The following ZKSCAN3 variants were observed in gnomAD, a reference collection of about 807,000 sequenced individuals.
ZKSCAN3 encodes the protein zinc finger protein with KRAB and SCAN domains 3.
A neutral mutation model predicts 30.7 loss-of-function variants in ZKSCAN3; 21 were observed. The ratio of observed to expected loss-of-function variants is 0.68; its 90% CI spans 0.49 to 0.99. The LOEUF (loss-of-function observed/expected upper bound fraction) is 0.99. Ranked by LOEUF, ZKSCAN3 falls within the 50% of genes least tolerant of loss-of-function variation. The pLI is 0.00. For missense variants in ZKSCAN3, 507 were observed against 647.1 expected, an observed-to-expected ratio of 0.78 and a Z score of 2.35; for synonymous variants, 201 against 246.7, an observed-to-expected ratio of 0.81 and a Z score of 1.73.
chr6:28,365,650 G>T lies in ZKSCAN3; in HGVS notation c.982G>T (p.Gly328Cys). ...TGGAAAGAGTTTTGCTCAAAGCTCA[G>T]GCCTGAGTAAACACAGGAGAATCCA... The part of the protein sequence containing the change: ...ECGKSFAQSS[G>C]LSKHRRIHTG... The change falls in exon 6 of 6, where the codon GGC becomes TGC. Residue 328 changes from glycine (G) to cysteine (C), a missense_variant. By Grantham distance (159) the Gly-to-Cys change is radical (BLOSUM62 -3). Coordinates refer to ENST00000252211, the MANE Select transcript of ZKSCAN3 (RefSeq NM_024493.4). The T allele has an allele frequency of 6.2e-7, 1 of 1,614,256 alleles. No individual in the cohort carries two copies. Among genetic ancestry groups the T allele is most frequent in the Non-Finnish European group, 8.5e-7 (1 of 1,180,038 alleles).
At chr6:28,362,903 A>C (rs1765819502) in intron 3 of ZKSCAN3, among the ~76,000 whole-genome samples, 3 of 152,204 alleles carry the variant, frequency 2.0e-5, no homozygotes, top group African/African-American at 4.8e-5. Flanking sequence ...AGCAAAATTC[A>C]AAGGATCTTC....
chr6:28,350,445 G>C (rs906320500), intron 1 of ZKSCAN3: 38 of 152,220 alleles, frequency 2.5e-4, no homozygotes, highest in African/African-American at 8.9e-4. Flanking sequence ...CAGAACGTTG[G>C]AGTCAGATTA....
rs757493017 is a variant in ZKSCAN3, at chr6:28,359,860, G to T, written c.274G>T (p.Glu92Ter). The T allele has an allele frequency of 8.9e-5, 144 of 1,613,352 alleles. No homozygotes were observed. The highest frequency in any genetic ancestry group is 1.2e-4 in the Non-Finnish European group (141 of 1,179,420). ...KEQILELLVL[E>*]QFLTILPGNL... ...GCAGATCCTGGAGCTGCTGGTGCTG[G>T]AGCAGTTCCTGACCATCCTGCCGGG... The change falls in exon 2 of 6, where the codon GAG becomes TAG. Residue 92 changes from glutamate (E) to a stop codon, truncating the protein, a stop_gained. Transcript: ENST00000252211. LOFTEE classifies it high-confidence loss of function.
chr6:28,359,475 A>T, intron 1 of ZKSCAN3, 50 bp from the exon 2 acceptor site: 1 of 1,361,146 alleles, frequency 7.3e-7, no homozygotes, highest in Non-Finnish European at 1.0e-6. Context: ...GGCAGGAGAG[A>T]AGGGACTACT....
intron 5 of ZKSCAN3, 41 bp from the exon 6 acceptor site, chr6:28,365,385 C>T: frequency 6.4e-7 from 1 of 1,569,428 alleles, no homozygotes; most frequent in Non-Finnish European, 8.6e-7. Flanking sequence ...AGCTTTCCTT[C>T]CATGGCATAA....
chr6:28,363,366 G>T lies in ZKSCAN3; in HGVS notation c.614G>T (p.Arg205Met). The part of the protein sequence containing the change: ...CCREDKVVAS[R>M]LTPESQGLLK... ...AGAGAAGATAAAGTGGTAGCTTCTAGGCTTACTCCAGAGTCCCAGGTGAGC... is the reference window on the plus strand; with the variant it reads ...AGAGAAGATAAAGTGGTAGCTTCTATGCTTACTCCAGAGTCCCAGGTGAGC... Residue 205 changes from arginine to methionine, a missense_variant, in exon 4 of 6, where the codon AGG becomes ATG. Physicochemically the swap from Arg to Met is moderately conservative, Grantham distance 91. Coordinates refer to ENST00000252211, the MANE Select transcript of ZKSCAN3 (RefSeq NM_024493.4). 6.2e-7 allele frequency: 1 copy of T among 1,613,914 alleles called. No homozygotes were observed. The highest frequency in any genetic ancestry group is 8.5e-7 in the Non-Finnish European group (1 of 1,179,926).
chr6:28,353,848 T>TA (rs1765231510), intron 1 of ZKSCAN3: 1 of 457,024 alleles, frequency 2.2e-6, no homozygotes, highest in Non-Finnish European at 4.4e-6. Flanking sequence ...AGCCAACATG[T>TA]ATATGGTACT....
chr6:28,366,165 A>C lies in ZKSCAN3; in HGVS notation c.1497A>C (p.Gln499His), dbSNP rs760791268. The change falls in exon 6 of 6, where the codon CAA becomes CAC. Residue 499 changes from glutamine (Q) to histidine (H), a missense_variant. By Grantham distance (24) the Gln-to-His change is conservative (BLOSUM62 0). Coordinates refer to ENST00000252211, the MANE Select transcript of ZKSCAN3 (RefSeq NM_024493.4). The part of the protein sequence containing the change: ...FTQNTGLIEH[Q>H]KIHTGEKPYQ... ...AGAATACAGGCCTCATTGAACATCA[A>C]AAAATCCACACTGGTGAGAAACCCT... 4 of 1,598,486 alleles carry C rather than the reference A, an allele frequency of 2.5e-6. No individual in the cohort carries two copies. The South Asian group carries it at 3.4e-5, about 13-fold the overall frequency.
intron 3 of ZKSCAN3, 81 bp from the exon 4 acceptor site, chr6:28,363,222 C>A: frequency 8.2e-7 from 1 of 1,226,712 alleles, no homozygotes; most frequent in South Asian, 1.3e-5. Context: ...ATCTATTAAT[C>A]CAGTTATTTA....
In ZKSCAN3 at chr6:28,365,539, T is replaced by C; in HGVS notation, c.871T>C (p.Cys291Arg). The change falls in exon 6 of 6, where the codon TGT becomes CGT. Residue 291 changes from cysteine (C) to arginine (R), a missense_variant. By Grantham distance (180) the Cys-to-Arg change is radical (BLOSUM62 -3). Transcript: ENST00000252211. ...LREDIAQIPT[C>R]AEAGEQEGRL... ...AGAAGACATTGCCCAGATTCCTACA[T>C]GTGCAGAAGCTGGTGAACAGGAGGG... 6 of 1,614,194 alleles carry C rather than the reference T, an allele frequency of 3.7e-6. No individual in the cohort carries two copies. The highest frequency in any genetic ancestry group is 2.2e-5 in the East Asian group (1 of 44,892).
intron 2 of ZKSCAN3, among the ~76,000 whole-genome samples, chr6:28,360,987 A>G (rs1265502811): frequency 6.7e-6 from 1 of 149,410 alleles, no homozygotes; most frequent in Admixed American, 6.7e-5. Flanking sequence ...AGGTATTAAT[A>G]TTCTCTGAGA....
Position 28,365,729 on chromosome 6 carries a change from G to A in ZKSCAN3, c.1061G>A (p.Ser354Asn). The A allele has an allele frequency of 6.2e-7, 1 of 1,613,768 alleles. No individual in the cohort carries two copies. The highest frequency in any genetic ancestry group is 8.5e-7 in the Non-Finnish European group (1 of 1,179,856). ...GAGTGTGGCAAAGCCTTCATTGGGAGCTCTGCCCTTGTCATTCATCAGAGA... is the reference window on the plus strand; with the variant it reads ...GAGTGTGGCAAAGCCTTCATTGGGAACTCTGCCCTTGTCATTCATCAGAGA... Reference protein sequence around the residue: ...CEECGKAFIGSSALVIHQRVH... With the variant: ...CEECGKAFIGNSALVIHQRVH... Residue 354 changes from serine (S) to asparagine (N), a missense_variant, in exon 6 of 6, where the codon AGC (serine) becomes AAC (asparagine). By Grantham distance (46) the Ser-to-Asn change is conservative (BLOSUM62 1). Coordinates refer to ENST00000252211, the MANE Select transcript of ZKSCAN3 (RefSeq NM_024493.4).
intron 2 of ZKSCAN3, among the ~76,000 whole-genome samples, chr6:28,360,277 A>G (rs546926699): frequency 1.3e-5 from 2 of 152,352 alleles, no homozygotes; most frequent in East Asian, 3.9e-4. Flanking sequence ...ACACTAAATA[A>G]TAAAACCTAC....
At chr6:28,353,781 C>T (rs980473836) in intron 1 of ZKSCAN3, 3 of 455,234 alleles carry the variant, frequency 6.6e-6, no homozygotes, top group African/African-American at 6.0e-5. Context: ...AGGTCAAGAA[C>T]AGAACCACCA....
At chr6:28,364,433 A>G (rs149690807) in intron 5 of ZKSCAN3, among the ~76,000 whole-genome samples, 28 of 152,322 alleles carry the variant, frequency 1.8e-4, no homozygotes, top group Middle Eastern at 3.4e-3. Flanking sequence ...CCCTGACCGA[A>G]GAGGAAAGCT....
Position 28,351,237 on chromosome 6 carries a change from G to A in ZKSCAN3, c.-63+1170G>A, listed in dbSNP as rs1764990475. ...GATCAGTTTGGCTCAGATCCAAGTA[G>A]GGGCCAGGTAGTGAAACCTAAATGG... On this transcript the variant is annotated intron_variant, in intron 1 of 5. Coordinates refer to ENST00000252211, the MANE Select transcript of ZKSCAN3 (RefSeq NM_024493.4). This position sits in a 1 kb window ranked among gnomAD's most constrained non-coding sequence, Gnocchi z 4.6. 6.6e-6 allele frequency among the ~76,000 whole-genome samples: 1 copy of A among 152,156 alleles called. No individual in the cohort carries two copies. Among genetic ancestry groups the A allele is most frequent in the South Asian group, 2.1e-4 (1 of 4,830 alleles).
intron 1 of ZKSCAN3, among the ~76,000 whole-genome samples, chr6:28,359,177 C>T (rs897434706): frequency 1.3e-5 from 2 of 152,140 alleles, no homozygotes; most frequent in Non-Finnish European, 2.9e-5. Context: ...TCATTAGGGT[C>T]ATCTTAGAAT....
intron 1 of ZKSCAN3, among the ~76,000 whole-genome samples, chr6:28,356,460 A>G (rs1339028870): frequency 2.0e-5 from 3 of 151,198 alleles, no homozygotes; most frequent in Non-Finnish European, 4.4e-5. Context: ...GTCTCCCCCA[A>G]ATGCTGCTGG....
chr6:28,366,793 G>C lies in ZKSCAN3; in HGVS notation c.*508G>C, dbSNP rs938611031. ...GATCTGAAAATCTGATGTTATCCAG[G>C]TTTCTGAAGAACTTCTCGCCAAGGC... is the stretch of plus-strand genomic sequence containing the variant. On this transcript the variant is annotated 3_prime_UTR_variant, in exon 6 of 6. Transcript: ENST00000252211. 1.3e-5 allele frequency: 2 copies of C among 152,794 alleles called. No individual in the cohort carries two copies. The highest frequency in any genetic ancestry group is 4.8e-5 in the African/African-American group (2 of 41,410). 9.5% of individuals were successfully genotyped at this position (152,794 alleles called of 1,614,324 possible). A position where few individuals can be genotyped will look rare whatever the true frequency, so the allele number is the denominator to read the frequency against.
Sources: gnomAD v4.1 joint callset for allele counts (sites outside exome capture counted in the v4.1 genomes callset) on GRCh38, gnomAD v4.1.1 for gene constraint, Gnocchi (gnomAD v3.1) non-coding constraint, MANE v1.5 for transcripts, NCBI Gene and HGNC (gene_info 2026-07-23, HGNC 2026-07-21) for gene names.